Variants in NBPF26 observed in about 807,000 individuals in gnomAD.
The protein encoded by NBPF26 is NBPF member 26.
Under a neutral mutation model 119.6 loss-of-function variants are expected in NBPF26, and 79 were observed. That is an observed-to-expected ratio of 0.66 (90% confidence interval 0.55 to 0.80). NBPF26 has a LOEUF of 0.80. NBPF26 is among the 30% of genes least tolerant of loss of function. NBPF26 has a pLI of 0.00. For missense variants in NBPF26, 800 were observed against 1,198.2 expected (o/e 0.67, Z 4.91); for synonymous variants, 299 against 457.7 (o/e 0.65, Z 4.43).
intron 2 of NBPF26, among the ~76,000 whole-genome samples, chr1:120,767,908 GTTC>G (rs1352110470): frequency 8.6e-6 from 1 of 116,928 alleles, no homozygotes; most frequent in Non-Finnish European, 1.6e-5. Context: ...TTGTCTGCTG[GTTC>G]TTAACAACTG....
exon 3 of NBPF26, chr1:120,785,189 T>C: frequency 6.9e-7 from 1 of 1,445,372 alleles, no homozygotes; most frequent in Non-Finnish European, 9.2e-7. Context: ...TGCCATATGC[T>C]CAGCCGGGAT....
chr1:120,819,230 T>C lies in NBPF26; in HGVS notation c.2423+1056T>C, dbSNP rs1652079506. On this transcript the variant is annotated intron_variant, in intron 15 of 29. Coordinates refer to ENST00000620612, the Ensembl canonical transcript of NBPF26. ...TTGAATTGATCCCTTTACCATTATGTAGTGGCCTTCTTTGTCTCTTTTGAT... is the reference window on the plus strand; with the variant it reads ...TTGAATTGATCCCTTTACCATTATGCAGTGGCCTTCTTTGTCTCTTTTGAT... Among the ~76,000 whole-genome samples, 2 of 121,336 alleles carry C rather than the reference T, an allele frequency of 1.6e-5. 1 individual carries two copies. The highest frequency in any genetic ancestry group is 3.3e-5 in the Non-Finnish European group (2 of 60,922). The allele number at this position is 121,336 out of a possible 152,430, so 79.6% of individuals were successfully genotyped here.
In NBPF26 at chr1:120,814,790, C is replaced by G. The variant is rs1406808077; in HGVS notation, c.1878-39C>G. On this transcript the variant is annotated intron_variant, in intron 11 of 29. Transcript: ENST00000620612. ...GCAATATTTGAGCGGATCACTCAAC[C>G]CTTTCTACTCTTAAATTTTCTCTAC... 4.8e-6 allele frequency: 6 copies of G among 1,257,060 alleles called. 1 individual carries two copies. The highest frequency in any genetic ancestry group is 4.5e-5 in the African/African-American group (2 of 44,410). 77.9% of individuals were successfully genotyped at this position (1,257,060 alleles called of 1,614,324 possible).
In NBPF26 at chr1:120,793,403, A is replaced by T; in HGVS notation, c.658A>T (p.Arg220Ter). ...GGGCTTCACAGGCCAGTACTGTGAC[A>T]GACTGTATGTGCCCTGTGCACACTC... is the stretch of plus-strand genomic sequence containing the variant. The change falls in exon 4 of 30, where the codon AGA (arginine) becomes TGA (stop). Residue 220 changes from arginine (R) to a stop codon, truncating the protein, a stop_gained. Transcript: ENST00000620612. LOFTEE classifies it high-confidence loss of function. 1 of 1,440,596 alleles carries T rather than the reference A, an allele frequency of 6.9e-7. No homozygotes were observed. The highest frequency in any genetic ancestry group is 9.3e-7 in the Non-Finnish European group (1 of 1,077,740). The allele number at this position is 1,440,596 out of a possible 1,614,324, so 89.2% of individuals were successfully genotyped here.
At position 120,802,804 on chromosome 1, in the gene NBPF26, G is replaced by C. The variant is rs1313345952; in HGVS notation, c.752-2752G>C. Among the ~76,000 whole-genome samples, 14 of 114,120 alleles carry C rather than the reference G, an allele frequency of 1.2e-4. 2 individuals carry two copies. Among genetic ancestry groups the C allele is most frequent in the Admixed American group, 3.4e-4 (4 of 11,780 alleles). 74.9% of individuals were successfully genotyped at this position (114,120 alleles called of 152,430 possible). On this transcript the variant is annotated intron_variant, in intron 4 of 29. Coordinates refer to ENST00000620612, the Ensembl canonical transcript of NBPF26. ...TTGTGTTCACTAGATCAGAGGCATT[G>C]AGACATGAAGAACAGACCCTTAAAA...
At position 120,778,501 on chromosome 1, in the gene NBPF26, T is replaced by G. The variant is rs1651324660; in HGVS notation, c.156-6473T>G. ...TGTATAGTTTTTTTAAAAATCATGA[T>G]TTTGAAATAGCTGTTTTGTAAAGCA... is the stretch of plus-strand genomic sequence containing the variant. On this transcript the variant is annotated intron_variant, in intron 2 of 29. Coordinates refer to ENST00000620612, the Ensembl canonical transcript of NBPF26. 4.1e-5 allele frequency among the ~76,000 whole-genome samples: 4 copies of G among 97,668 alleles called. 2 individuals are homozygous for G. In the South Asian group the frequency reaches 1.2e-3, roughly 28 times the overall value. 64.1% of individuals were successfully genotyped at this position (97,668 alleles called of 152,430 possible).
chr1:120,810,597 G>C, intron 9 of NBPF26, 39 bp downstream of exon 9: 1 of 1,360,638 alleles, frequency 7.3e-7, no homozygotes, highest in Non-Finnish European at 1.0e-6. Flanking sequence ...CCTCTGTCTA[G>C]GCTATGGAAG....
At chr1:120,825,299 C>CCTCT (rs1314587957) in intron 18 of NBPF26, among the ~76,000 whole-genome samples, 2 of 122,100 alleles carry the variant, frequency 1.6e-5, no homozygotes, top group East Asian at 2.1e-4. Context: ...CTCACTTTCT[C>CCTCT]CTCTCTCTCT....
rs1387564362 is a variant in NBPF26, at chr1:120,813,303, C to A, written c.1775-588C>A. On this transcript the variant is annotated intron_variant, in intron 10 of 29. Coordinates refer to ENST00000620612, the Ensembl canonical transcript of NBPF26. ...CTATTAGTTCTTCATTCTGCTGTTT[C>A]TAAATTAACACAAACTTTATTAACA... Among the ~76,000 whole-genome samples the A allele has an allele frequency of 6.3e-5, 8 of 127,626 alleles. 3 individuals are homozygous for A. Among genetic ancestry groups the A allele is most frequent in the African/African-American group, 3.0e-4 (8 of 26,446 alleles). 83.7% of individuals were successfully genotyped at this position (127,626 alleles called of 152,430 possible).
At chr1:120,818,100 T>G in intron 14 of NBPF26, 23 bp from the exon 15 acceptor site, 1 of 515,224 alleles carries the variant, frequency 1.9e-6, no homozygotes, top group East Asian at 2.9e-5. Flanking sequence ...TAATGTGACC[T>G]GCTTCTCTGA....
At chr1:120,833,397 GTCTC>G (rs1227113283) in intron 23 of NBPF26, among the ~76,000 whole-genome samples, 1 of 80,334 alleles carries the variant, frequency 1.2e-5, no homozygotes, top group Non-Finnish European at 2.1e-5. Context: ...CTCTGTCTCT[GTCTC>G]TCTCTCTCTC....
intron 29 of NBPF26, 44 bp from the exon 36 acceptor site, chr1:120,840,306 C>T (rs199960799): frequency 6.9e-7 from 1 of 1,444,008 alleles, no homozygotes; most frequent in East Asian, 2.3e-5. Context: ...TCTGTGGTGT[C>T]CGATTTTCCC....
chr1:120,784,254 T>C lies in NBPF26; in HGVS notation c.156-720T>C, dbSNP rs1334728922. Among the ~76,000 whole-genome samples, 8 of 118,764 alleles carry C rather than the reference T, an allele frequency of 6.7e-5. 3 individuals are homozygous for C. Among genetic ancestry groups the C allele is most frequent in the African/African-American group, 3.9e-4 (8 of 20,722 alleles). 77.9% of individuals were successfully genotyped at this position (118,764 alleles called of 152,430 possible). On this transcript the variant is annotated intron_variant, in intron 2 of 29. Coordinates refer to ENST00000620612, the Ensembl canonical transcript of NBPF26. The stretch of plus-strand genomic sequence containing the variant: ...GGTCTAGTTTCACATAAAGCAAATA[T>C]ATGGTTCTGTACACCGGCTTTAGGA...
chr1:120,778,363 G>C (rs1651322699), intron 2 of NBPF26, among the ~76,000 whole-genome samples: 1 of 101,984 alleles, frequency 9.8e-6, no homozygotes, highest in East Asian at 2.3e-4. Context: ...TCTGTTCAAA[G>C]AATTTTCTGC....
At chr1:120,776,251 G>A (rs1439337156) in intron 2 of NBPF26, among the ~76,000 whole-genome samples, 2 of 115,328 alleles carry the variant, frequency 1.7e-5, no homozygotes, top group African/African-American at 5.2e-5. Context: ...AAGAACAGAG[G>A]GGGTATCAAG....
rs2101540873 is a variant in NBPF26 at position 120,825,316 on chromosome 1, C to T, written c.2812+1170C>T. ...CACTTTCTCCTCTCTCTCTCTCTCC[C>T]TCTCCCTGTCTTTCTCTTTCGTTCT... On this transcript the variant is annotated intron_variant, in intron 18 of 29. Transcript: ENST00000620612. Among the ~76,000 whole-genome samples the T allele has an allele frequency of 1.6e-5, 2 of 122,554 alleles. 1 individual carries two copies. The highest frequency in any genetic ancestry group is 9.1e-5 in the African/African-American group (2 of 21,972). 80.4% of individuals were successfully genotyped at this position (122,554 alleles called of 152,430 possible).
Position 120,758,884 on chromosome 1 carries a change from G to A in NBPF26, c.74-4744G>A, listed in dbSNP as rs1345554460. On this transcript the variant is annotated intron_variant, in intron 1 of 29. Coordinates refer to ENST00000620612, the Ensembl canonical transcript of NBPF26. Reference sequence around the variant, plus strand: ...GCTCAAAGCATACCTCCTCAGGGAGGCCTTTCCTAGACACTATCTGAGGTA... The same window carrying A: ...GCTCAAAGCATACCTCCTCAGGGAGACCTTTCCTAGACACTATCTGAGGTA... Among the ~76,000 whole-genome samples the A allele has an allele frequency of 1.6e-4, 13 of 82,450 alleles. No individual in the cohort carries two copies. In the East Asian group the frequency reaches 3.4e-3, roughly 22 times the overall value. 54.1% of individuals were successfully genotyped at this position (82,450 alleles called of 152,430 possible). A position where few individuals can be genotyped will look rare whatever the true frequency, so the allele number is the denominator to read the frequency against.
In NBPF26 at chr1:120,759,717, T is replaced by C. The variant is rs1651113152; in HGVS notation, c.74-3911T>C. Among the ~76,000 whole-genome samples, 2 of 113,026 alleles carry C rather than the reference T, an allele frequency of 1.8e-5. 1 individual carries two copies. The highest frequency in any genetic ancestry group is 5.1e-4 in the South Asian group (2 of 3,954). The allele number at this position is 113,026 out of a possible 152,430, so 74.1% of individuals were successfully genotyped here. On this transcript the variant is annotated intron_variant, in intron 1 of 29. Transcript: ENST00000620612. ...TTTCTTTTTTTAAAAATTAGAATTG[T>C]CAATTTATAGTTGTATACATTTATA...
At chr1:120,808,461 T>C (rs1571035477) in intron 6 of NBPF26, 84 bp from the exon 7 acceptor site, 1 of 1,099,122 alleles carries the variant, frequency 9.1e-7, no homozygotes, top group Non-Finnish European at 1.3e-6. Flanking sequence ...CTTGAGGACA[T>C]TGTCTCAGAA....
Sources: allele counts gnomAD v4.1 joint callset (sites outside exome capture counted in the v4.1 genomes callset), GRCh38; gene constraint gnomAD v4.1.1; transcripts MANE v1.5; gene names NCBI Gene and HGNC (gene_info 2026-07-23, HGNC 2026-07-21).